Variants in ACVR2A observed in about 807,000 individuals in gnomAD.
The protein encoded by ACVR2A is activin A receptor type 2A.
ACVR2A carries 7 observed loss-of-function variants against 61.4 expected under a neutral mutation model. That is an observed-to-expected ratio of 0.11 (90% CI 0.06 to 0.21). The LOEUF (loss-of-function observed/expected upper bound fraction) is 0.21, where lower values mean the gene tolerates loss of function less well. Ranked by LOEUF, ACVR2A falls within the 10% of genes least tolerant of loss-of-function variation. The pLI, the probability that ACVR2A is intolerant of heterozygous loss-of-function variation, is 1.00. For missense variants in ACVR2A, 322 were observed against 621.7 expected (o/e 0.52, Z 5.13); for synonymous variants, 193 against 208.3 (o/e 0.93, Z 0.63).
At chr2:147,873,692 T>C (rs1207595581) in intron 1 of ACVR2A, among the ~76,000 whole-genome samples, 1 of 151,908 alleles carries the variant, frequency 6.6e-6, no homozygotes, top group Non-Finnish European at 1.5e-5. Flanking sequence ...GAAACTTTGA[T>C]GATGGTGAAA....
chr2:147,924,174 A>G (rs1048365123), intron 9 of ACVR2A, among the ~76,000 whole-genome samples: 1 of 152,078 alleles, frequency 6.6e-6, no homozygotes, highest in African/African-American at 2.4e-5. Context: ...GAGGAATGAC[A>G]TTTATGATGT....
At chr2:147,847,805 A>C (rs1461488451) in intron 1 of ACVR2A, among the ~76,000 whole-genome samples, 1 of 152,226 alleles carries the variant, frequency 6.6e-6, no homozygotes, top group East Asian at 1.9e-4. Flanking sequence ...TTCAAAACAT[A>C]AATCTTAGTT....
In ACVR2A at chr2:147,927,358, T is replaced by A; in HGVS notation, c.*84T>A. 1 of 1,274,672 alleles carries A rather than the reference T, an allele frequency of 7.8e-7. No individual in the cohort carries two copies. The highest frequency in any genetic ancestry group is 1.1e-6 in the Non-Finnish European group (1 of 930,816). The allele number at this position is 1,274,672 out of a possible 1,614,324, so 79.0% of individuals were successfully genotyped here. A position where few individuals can be genotyped will look rare whatever the true frequency, so the allele number is the denominator to read the frequency against. On this transcript the variant is annotated 3_prime_UTR_variant, in exon 11 of 11. Coordinates refer to ENST00000241416, the MANE Select transcript of ACVR2A (RefSeq NM_001616.5). ...AAGAAACTGCTTACAGTTTATTTTC[T>A]GTGTAAAATGAGTAGGATGTCTCTT... is the stretch of plus-strand genomic sequence containing the variant.
intron 1 of ACVR2A, among the ~76,000 whole-genome samples, chr2:147,849,865 A>G (rs1685404349): frequency 6.6e-6 from 1 of 152,190 alleles, no homozygotes; most frequent in East Asian, 1.9e-4. Context: ...CAACTAAACC[A>G]AATGAGATTT....
intron 1 of ACVR2A, among the ~76,000 whole-genome samples, chr2:147,870,548 T>G (rs1244750280): frequency 1.3e-5 from 2 of 152,164 alleles, no homozygotes; most frequent in African/African-American, 4.8e-5. Flanking sequence ...CACTAAATAT[T>G]GGAGATCTAT....
intron 1 of ACVR2A, 50 bp downstream of exon 1, chr2:147,845,257 G>A: frequency 6.3e-7 from 1 of 1,578,884 alleles, no homozygotes; most frequent in Non-Finnish European, 8.6e-7. Context: ...GGCCGCGGCG[G>A]CCGCTGCTGG....
intron 1 of ACVR2A, among the ~76,000 whole-genome samples, chr2:147,845,446 GTGT>G (rs1449465766): frequency 3.3e-5 from 5 of 150,264 alleles, no homozygotes; most frequent in African/African-American, 7.4e-5. Context: ...AGTGAGTGCT[GTGT>G]TGTTGTGGAA....
At chr2:147,917,183 T>C in intron 5 of ACVR2A, 100 bp from the exon 6 acceptor site, 1 of 1,274,024 alleles carries the variant, frequency 7.8e-7, no homozygotes, top group Non-Finnish European at 1.0e-6. Flanking sequence ...TTTTTTGTTT[T>C]GTTTTGTTTT....
intron 1 of ACVR2A, among the ~76,000 whole-genome samples, chr2:147,855,529 C>T (rs1233838741): frequency 6.6e-6 from 1 of 152,130 alleles, no homozygotes; most frequent in East Asian, 1.9e-4. Flanking sequence ...AGAGGTGAGA[C>T]CATTAGGAAC....
chr2:147,926,993 T>C, intron 10 of ACVR2A, 87 bp from the exon 11 acceptor site: 1 of 1,271,320 alleles, frequency 7.9e-7, no homozygotes, highest in South Asian at 1.4e-5. Context: ...CCCAGAAAAA[T>C]AGCCATTTCT....
chr2:147,852,063 T>C (rs562362127), intron 1 of ACVR2A, among the ~76,000 whole-genome samples: 49 of 152,162 alleles, frequency 3.2e-4, no homozygotes, highest in African/African-American at 1.0e-3. Flanking sequence ...TTGATATCTT[T>C]AAGTTATGTT....
At position 147,927,568 on chromosome 2, in the gene ACVR2A, G is replaced by A. The variant is rs1277232641; in HGVS notation, c.*294G>A. The A allele has an allele frequency of 4.4e-6, 1 of 227,010 alleles. No homozygotes were observed. The highest frequency in any genetic ancestry group is 2.3e-5 in the African/African-American group (1 of 44,318). 14.1% of individuals were successfully genotyped at this position (227,010 alleles called of 1,614,324 possible). ...CCAAATCAAGGATCTTTTGGACCTG[G>A]CTAATGGAGTGTTTGAAAACTGACA... On this transcript the variant is annotated 3_prime_UTR_variant, in exon 11 of 11. Coordinates refer to ENST00000241416, the MANE Select transcript of ACVR2A (RefSeq NM_001616.5).
intron 9 of ACVR2A, among the ~76,000 whole-genome samples, chr2:147,925,233 G>GT (rs1329875061): frequency 6.6e-6 from 1 of 151,902 alleles, no homozygotes; most frequent in Non-Finnish European, 1.5e-5. Flanking sequence ...TGCAAATTAT[G>GT]TAACTTTTCT....
At chr2:147,870,583 T>G (rs1685988509) in intron 1 of ACVR2A, among the ~76,000 whole-genome samples, 1 of 152,168 alleles carries the variant, frequency 6.6e-6, no homozygotes, top group Non-Finnish European at 1.5e-5. Context: ...GTCTTCAGGC[T>G]TGGTAACCTG....
intron 10 of ACVR2A, 28 bp from the exon 11 acceptor site, chr2:147,927,052 G>GT (rs1687521094): frequency 6.3e-7 from 1 of 1,593,228 alleles, no homozygotes; most frequent in African/African-American, 1.4e-5. Context: ...CTGCTGTGGC[G>GT]TTTGAGTATA....
At position 147,923,059 on chromosome 2, in the gene ACVR2A, T is replaced by C. The variant is rs1480990848; in HGVS notation, c.1164T>C (p.Tyr388=). 6.2e-7 allele frequency: 1 copy of C among 1,613,518 alleles called. No homozygotes were observed. Among genetic ancestry groups the C allele is most frequent in the Non-Finnish European group, 8.5e-7 (1 of 1,179,588 alleles). ...QRDAFLRIDM[Y]AMGLVLWELA... ...ATGCATTTTTGAGGATAGATATGTA[T>C]GCCATGGGATTAGTCCTATGGGAAC... The change falls in exon 9 of 11, where the codon TAT becomes TAC. Residue 388 remains tyrosine, a synonymous_variant. Transcript: ENST00000241416.
intron 4 of ACVR2A, among the ~76,000 whole-genome samples, chr2:147,904,957 CTGAT>C (rs992128166): frequency 1.3e-5 from 2 of 152,004 alleles, no homozygotes; most frequent in African/African-American, 4.8e-5. Flanking sequence ...AGGTTGACTA[CTGAT>C]TGGAGTTTAT....
intron 2 of ACVR2A, 160 bp downstream of exon 2, chr2:147,896,668 A>G (rs913631289): frequency 4.7e-6 from 3 of 640,056 alleles, no homozygotes; most frequent in Admixed American, 5.9e-5. Flanking sequence ...TAATGACAGT[A>G]TATTTTAAAG....
intron 1 of ACVR2A, among the ~76,000 whole-genome samples, chr2:147,877,746 G>A (rs927998953): frequency 6.6e-6 from 1 of 152,158 alleles, no homozygotes; most frequent in Non-Finnish European, 1.5e-5. Flanking sequence ...TCAAGTGAAA[G>A]TTATATTAGT....
Sources: allele counts gnomAD v4.1 joint callset (sites outside exome capture counted in the v4.1 genomes callset), GRCh38; gene constraint gnomAD v4.1.1; transcripts MANE v1.5; gene names NCBI Gene and HGNC (gene_info 2026-07-23, HGNC 2026-07-21).